The following TBC1D9 variants were observed in gnomAD, a reference collection of about 807,000 sequenced individuals.
TBC1D9 encodes TBC1 domain family member 9.
Under a neutral mutation model 132.0 loss-of-function variants are expected in TBC1D9, and 63 were observed. The observed-to-expected ratio is 0.48, with a 90% confidence interval of 0.39 to 0.59. The LOEUF is 0.59. TBC1D9 is among the 20% of genes least tolerant of loss of function. The probability of loss-of-function intolerance (pLI) is 0.00; values close to 1 mark genes in which losing one functional copy is unlikely to be tolerated. For missense variants in TBC1D9, 1,261 were observed against 1,592.7 expected (o/e 0.79, Z 3.54); for synonymous variants, 610 against 609.9 (o/e 1.00, Z 0.00).
chr4:140,748,943 G>A (rs1738880416), intron 1 of TBC1D9, among the ~76,000 whole-genome samples: 1 of 152,138 alleles, frequency 6.6e-6, no homozygotes, highest in Admixed American at 6.5e-5. Flanking sequence ...ATGTCCTTGG[G>A]TTGAAAATAT....
intron 1 of TBC1D9, among the ~76,000 whole-genome samples, chr4:140,722,100 G>T (rs1578856095): frequency 6.6e-6 from 1 of 152,230 alleles, no homozygotes; most frequent in East Asian, 1.9e-4. Flanking sequence ...GTTAACTGAA[G>T]TTCAATTCAT....
chr4:140,645,405 G>C (rs943075115), intron 13 of TBC1D9: 5 of 456,772 alleles, frequency 1.1e-5, no homozygotes, highest in Admixed American at 4.7e-5. Context: ...ACCAGAGCCC[G>C]CGCATCCAAA....
At chr4:140,643,969 C>T (rs1737055583) in intron 13 of TBC1D9, 2 of 590,518 alleles carry the variant, frequency 3.4e-6, no homozygotes, top group Admixed American at 4.4e-5. Context: ...TCCTGTTCAG[C>T]CAGCGGCTCT....
chr4:140,676,883 C>G lies in TBC1D9; in HGVS notation c.1059+11G>C, dbSNP rs969312584. 3 of 1,611,038 alleles carry G rather than the reference C, an allele frequency of 1.9e-6. No homozygotes were observed. The African/African-American group carries it at 4.0e-5, about 22-fold the overall frequency. On this transcript the variant is annotated intron_variant, in intron 6 of 20. Coordinates refer to ENST00000442267, the MANE Select transcript of TBC1D9 (RefSeq NM_015130.3). ...TGAAACTTAAAATATCAATTTTTATCAGATACTTACCTCACGGAGCGGGAT... is the reference window on the plus strand; with the variant it reads ...TGAAACTTAAAATATCAATTTTTATGAGATACTTACCTCACGGAGCGGGAT...
intron 13 of TBC1D9, chr4:140,644,188 TG>T (rs951555424): frequency 1.8e-5 from 6 of 339,136 alleles, no homozygotes; most frequent in Middle Eastern, 8.4e-4. Context: ...AACGGATACC[TG>T]GGCGGCATAT....
intron 13 of TBC1D9, among the ~76,000 whole-genome samples, chr4:140,650,203 A>C (rs1737166560): frequency 6.6e-6 from 1 of 152,260 alleles, no homozygotes; most frequent in Admixed American, 6.5e-5. Context: ...ATTTATTTTG[A>C]AAGTTGCTGT....
At chr4:140,746,591 G>C (rs1578865964) in intron 1 of TBC1D9, among the ~76,000 whole-genome samples, 2 of 152,278 alleles carry the variant, frequency 1.3e-5, no homozygotes, top group East Asian at 3.9e-4. Context: ...CACATGGCTG[G>C]GGAGGCCTCA....
At chr4:140,650,668 G>C (rs767165124) in intron 13 of TBC1D9, among the ~76,000 whole-genome samples, 13 of 152,160 alleles carry the variant, frequency 8.5e-5, no homozygotes, top group Non-Finnish European at 1.5e-4. Flanking sequence ...GAGTAGCTGG[G>C]ATTACAGGCG....
intron 1 of TBC1D9, among the ~76,000 whole-genome samples, chr4:140,714,364 T>C (rs1311473192): frequency 6.6e-6 from 1 of 152,188 alleles, no homozygotes; most frequent in Non-Finnish European, 1.5e-5. Context: ...GTAAGGTGTA[T>C]ATCAACTTGG....
At chr4:140,744,125 G>A (rs748053219) in intron 1 of TBC1D9, among the ~76,000 whole-genome samples, 1 of 152,066 alleles carries the variant, frequency 6.6e-6, no homozygotes, top group Non-Finnish European at 1.5e-5. Flanking sequence ...TGGGATGGAG[G>A]TGGGGGGGAT....
chr4:140,681,826 T>C (rs1358570981), intron 3 of TBC1D9, among the ~76,000 whole-genome samples: 1 of 152,194 alleles, frequency 6.6e-6, no homozygotes, highest in Non-Finnish European at 1.5e-5. Context: ...CAAGTCAACC[T>C]TTCCAGGTCC....
At chr4:140,681,575 C>A (rs537243259) in intron 3 of TBC1D9, among the ~76,000 whole-genome samples, 1 of 152,250 alleles carries the variant, frequency 6.6e-6, no homozygotes, top group Admixed American at 6.5e-5. Context: ...AAGTCTTTAT[C>A]CTATTCTTCT....
chr4:140,702,623 C>T (rs1738090222), intron 1 of TBC1D9, among the ~76,000 whole-genome samples: 1 of 152,206 alleles, frequency 6.6e-6, no homozygotes, highest in African/African-American at 2.4e-5. Context: ...ATTCTGACAG[C>T]TTCAAACTGG....
At chr4:140,629,629 C>T (rs184980975) in intron 16 of TBC1D9, among the ~76,000 whole-genome samples, 69 of 152,104 alleles carry the variant, frequency 4.5e-4, no homozygotes, top group African/African-American at 1.6e-3. Context: ...TATTATTATC[C>T]ACATCTACCT....
rs925027654 is a variant in TBC1D9, at chr4:140,687,516, T to C, written c.242-1054A>G. Among the ~76,000 whole-genome samples the C allele has an allele frequency of 2.0e-5, 3 of 151,452 alleles. No individual in the cohort carries two copies. The East Asian group carries it at 5.8e-4, about 30-fold the overall frequency. On this transcript the variant is annotated intron_variant, in intron 2 of 20. Coordinates refer to ENST00000442267, the MANE Select transcript of TBC1D9 (RefSeq NM_015130.3). ...TATTTTAATTGATTTCTTTAAAGTG[T>C]CTTTTCTCTCTGTTCTTTGTCATCA...
chr4:140,753,037 C>A (rs920754340), intron 1 of TBC1D9, among the ~76,000 whole-genome samples: 2 of 152,166 alleles, frequency 1.3e-5, no homozygotes, highest in Non-Finnish European at 2.9e-5. Flanking sequence ...TCCTCACAGG[C>A]AGATCTTTTT....
At position 140,655,530 on chromosome 4, in the gene TBC1D9, T is replaced by C. The variant is rs551879484; in HGVS notation, c.2337+1567A>G. On this transcript the variant is annotated intron_variant, in intron 13 of 20. Transcript: ENST00000442267. ...AGAGAGCATAGTGCGCTCAGCAGAA[T>C]ACTCAGGCTTTCTCAGTGATCATTT... 1.4e-4 allele frequency among the ~76,000 whole-genome samples: 22 copies of C among 152,320 alleles called. No individual in the cohort carries two copies. In the South Asian group the frequency reaches 4.6e-3, roughly 32 times the overall value.
intron 13 of TBC1D9, among the ~76,000 whole-genome samples, chr4:140,647,390 T>C (rs1332578683): frequency 6.6e-6 from 1 of 152,204 alleles, no homozygotes. Context: ...AGTAAGTTCT[T>C]CCTTGTCTCT....
intron 2 of TBC1D9, among the ~76,000 whole-genome samples, chr4:140,699,375 CAG>C (rs1738028504): frequency 6.6e-6 from 1 of 152,200 alleles, no homozygotes; most frequent in Admixed American, 6.5e-5. Flanking sequence ...AGGGGAAGAA[CAG>C]AGTAACTTTA....
Sources: gnomAD v4.1 joint callset for allele counts (sites outside exome capture counted in the v4.1 genomes callset) on GRCh38, gnomAD v4.1.1 for gene constraint, MANE v1.5 for transcripts, NCBI Gene and HGNC (gene_info 2026-07-23, HGNC 2026-07-21) for gene names.